C2CD3: variants seen among roughly 807,000 people sequenced by gnomAD.
The protein encoded by C2CD3 is C2 domain-containing protein 3.
Under a neutral mutation model 234.0 loss-of-function variants are expected in C2CD3, and 148 were observed. The ratio of observed to expected loss-of-function variants is 0.63; its 90% CI spans 0.55 to 0.72. The LOEUF is 0.72. C2CD3 is among the 30% of genes least tolerant of loss of function. The probability of loss-of-function intolerance (pLI) is 0.00; values close to 1 mark genes in which losing one functional copy is unlikely to be tolerated. For synonymous variants in C2CD3, 1,000 were observed against 1,035.4 expected, an observed-to-expected ratio of 0.97 and a Z score of 0.66; for missense variants, 2,577 against 2,811.5, an observed-to-expected ratio of 0.92 and a Z score of 1.89.
chr11:74,018,384 C>T (rs954291157), intron 32 of C2CD3, among the ~76,000 whole-genome samples: 2 of 152,126 alleles, frequency 1.3e-5, no homozygotes, highest in African/African-American at 4.8e-5. Flanking sequence ...GCAAGTTCTC[C>T]CCGCCCCACT....
intron 20 of C2CD3, among the ~76,000 whole-genome samples, chr11:74,086,658 A>G (rs1955653865): frequency 6.6e-6 from 1 of 152,196 alleles, no homozygotes; most frequent in African/African-American, 2.4e-5. Flanking sequence ...GGCTGCTTTT[A>G]TCTTTCTCAG....
At chr11:74,094,097 T>C in intron 17 of C2CD3, 98 bp from the exon 18 acceptor site, 1 of 972,412 alleles carries the variant, frequency 1.0e-6, no homozygotes. Context: ...AGTAATTCCC[T>C]AGTAGTTATG....
rs1253508482 is a variant in C2CD3, at chr11:74,138,648, T to A, written c.955+72A>T. On this transcript the variant is annotated intron_variant, in intron 5 of 32. Coordinates refer to ENST00000334126, the MANE Select transcript of C2CD3 (RefSeq NM_001286577.2). ...CAAACAAGAGTCTTGGTTCTCTTTG[T>A]AGGCTGGCTAACAAGCAGAGCAATC... 4 of 1,226,504 alleles carry A rather than the reference T, an allele frequency of 3.3e-6. No homozygotes were observed. In the African/African-American group the frequency reaches 6.0e-5, roughly 18 times the overall value. 76.0% of individuals were successfully genotyped at this position (1,226,504 alleles called of 1,614,324 possible). A position where few individuals can be genotyped will look rare whatever the true frequency, so the allele number is the denominator to read the frequency against.
At position 74,138,752 on chromosome 11, in the gene C2CD3, G is replaced by A; in HGVS notation, c.923C>T (p.Ser308Leu). 1 of 1,612,788 alleles carries A rather than the reference G, an allele frequency of 6.2e-7. No homozygotes were observed. Among genetic ancestry groups the A allele is most frequent in the Non-Finnish European group, 8.5e-7 (1 of 1,178,784 alleles). Residue 308 changes from serine (S) to leucine (L), a missense_variant, in exon 5 of 33, where the codon TCA becomes TTA. Ser to Leu is a moderately radical substitution (Grantham distance 145, BLOSUM62 -2). Transcript: ENST00000334126. The stretch of plus-strand genomic sequence containing the variant: ...AAGATCCTTGGTAGGGAGGTTGTTT[G>A]AAGAAAGAATGCATGAGTCACTGTG... Reference protein sequence around the residue: ...KSHSDSCILSSNNLPTKDLLS... With the variant: ...KSHSDSCILSLNNLPTKDLLS...
At chr11:74,134,985 A>C (rs1007597814) in intron 5 of C2CD3, among the ~76,000 whole-genome samples, 3 of 152,164 alleles carry the variant, frequency 2.0e-5, no homozygotes, top group African/African-American at 7.2e-5. Flanking sequence ...CCGGCCTCCC[A>C]AAGTCCATAA....
intron 8 of C2CD3, among the ~76,000 whole-genome samples, chr11:74,118,905 ATT>A (rs1228553220): frequency 1.6e-4 from 21 of 127,888 alleles, no homozygotes; most frequent in African/African-American, 1.2e-4. Context: ...TGGATAGACT[ATT>A]TTTTTTTTTT....
intron 23 of C2CD3, among the ~76,000 whole-genome samples, chr11:74,075,821 T>C (rs1177616864): frequency 6.6e-6 from 1 of 152,126 alleles, no homozygotes; most frequent in Admixed American, 6.5e-5. Flanking sequence ...GGAAAATGAA[T>C]AAAACATGGA....
intron 7 of C2CD3, chr11:74,129,086 C>T (rs369291129): frequency 3.4e-5 from 6 of 174,042 alleles, no homozygotes; most frequent in East Asian, 3.5e-4. Flanking sequence ...GGGTGGTGGC[C>T]GGGCAGAGGG....
At position 74,013,156 on chromosome 11, in the gene C2CD3, T is replaced by C. The variant is rs1426191306; in HGVS notation, c.*229A>G. On this transcript the variant is annotated 3_prime_UTR_variant, in exon 33 of 33. Transcript: ENST00000334126. ...TTCCATTTTATTTCTAGCCTTTGCCTCACCACAGAAAAAAGGAGCTGAAAT... is the reference window on the plus strand; with the variant it reads ...TTCCATTTTATTTCTAGCCTTTGCCCCACCACAGAAAAAAGGAGCTGAAAT... The C allele has an allele frequency of 1.2e-5, 4 of 320,566 alleles. No individual in the cohort carries two copies. The highest frequency in any genetic ancestry group is 9.9e-5 in the Admixed American group (2 of 20,124). 19.9% of individuals were successfully genotyped at this position (320,566 alleles called of 1,614,324 possible). A position where few individuals can be genotyped will look rare whatever the true frequency, so the allele number is the denominator to read the frequency against.
chr11:74,147,448 A>G (rs1377522212), intron 3 of C2CD3, among the ~76,000 whole-genome samples: 2 of 152,172 alleles, frequency 1.3e-5, no homozygotes, highest in African/African-American at 2.4e-5. Context: ...CAACAACGAC[A>G]ACACCCCTGA....
chr11:74,150,527 C>CAA (rs1265839513), intron 3 of C2CD3, among the ~76,000 whole-genome samples: 1 of 54,880 alleles, frequency 1.8e-5, no homozygotes, highest in African/African-American at 7.9e-5. Context: ...AAAAAAAAAA[C>CAA]AAAACAAATT....
At chr11:74,074,739 C>T in intron 23 of C2CD3, 139 bp from the exon 24 acceptor site, 1 of 658,860 alleles carries the variant, frequency 1.5e-6, no homozygotes, top group Non-Finnish European at 2.6e-6. Context: ...GCAAAAGAAA[C>T]TATGAAGCTG....
chr11:74,065,665 C>A (rs1177279682), intron 24 of C2CD3, among the ~76,000 whole-genome samples: 4 of 152,054 alleles, frequency 2.6e-5, no homozygotes, highest in African/African-American at 7.2e-5. Flanking sequence ...AACCAACCCA[C>A]ATGTCCATCA....
Position 74,057,479 on chromosome 11 carries a change from C to T in C2CD3, c.5017G>A (p.Glu1673Lys). Residue 1673 changes from glutamate (E) to lysine (K), a missense_variant, in exon 25 of 33, where the codon GAG (glutamate) becomes AAG (lysine). Coordinates refer to ENST00000334126, the MANE Select transcript of C2CD3 (RefSeq NM_001286577.2). ...SCCVSFATADESSPVYTQVVE... is the reference protein window; with the variant it reads ...SCCVSFATADKSSPVYTQVVE... The stretch of plus-strand genomic sequence containing the variant: ...ACTTGGGTGTATACAGGAGATGACT[C>T]ATCGGCTGTTGCAAAGGATACACAA... 6.2e-7 allele frequency: 1 copy of T among 1,614,102 alleles called. No homozygotes were observed. The highest frequency in any genetic ancestry group is 8.5e-7 in the Non-Finnish European group (1 of 1,179,950).
At position 74,109,127 on chromosome 11, in the gene C2CD3, C is replaced by A; in HGVS notation, c.1869G>T (p.Val623=). The part of the protein sequence containing the change: ...DGKVKFQQRF[V]FPVQFGGPMI... Reference sequence around the variant, plus strand: ...TTGGGCCACCAAACTGTACTGGAAACACAAATCGCTGCTGGAACTTCACCT... The same window carrying A: ...TTGGGCCACCAAACTGTACTGGAAAAACAAATCGCTGCTGGAACTTCACCT... Residue 623 remains valine (V), a synonymous_variant, in exon 12 of 33, where the codon GTG becomes GTT. Transcript: ENST00000334126. 6.3e-7 allele frequency: 1 copy of A among 1,586,762 alleles called. No individual in the cohort carries two copies. Among genetic ancestry groups the A allele is most frequent in the Non-Finnish European group, 8.6e-7 (1 of 1,168,548 alleles).
intron 26 of C2CD3, among the ~76,000 whole-genome samples, chr11:74,050,733 T>C (rs1203217969): frequency 6.8e-6 from 1 of 147,052 alleles, no homozygotes; most frequent in Non-Finnish European, 1.5e-5. Flanking sequence ...TGCTGTCCTT[T>C]AGACTGGAAC....
At chr11:74,104,445 A>G (rs1956433995) in intron 13 of C2CD3, among the ~76,000 whole-genome samples, 1 of 152,150 alleles carries the variant, frequency 6.6e-6, no homozygotes, top group African/African-American at 2.4e-5. Context: ...AAACTAAAGA[A>G]TTTAGGGGGA....
At chr11:74,029,602 AC>A (rs1316397671) in intron 31 of C2CD3, among the ~76,000 whole-genome samples, 1 of 152,158 alleles carries the variant, frequency 6.6e-6, no homozygotes, top group Non-Finnish European at 1.5e-5. Flanking sequence ...ACTGCTGGGG[AC>A]TGCCAGACAG....
chr11:74,153,666 TTTTTTATGGAAA>T (rs1333801516), intron 3 of C2CD3, among the ~76,000 whole-genome samples: 10 of 152,282 alleles, frequency 6.6e-5, no homozygotes, highest in African/African-American at 2.4e-4. Flanking sequence ...CCAGCAGATA[TTTTTTATGGAAA>T]TCAACAAGCT....
Sources: gnomAD v4.1 joint callset for allele counts (sites outside exome capture counted in the v4.1 genomes callset) on GRCh38, gnomAD v4.1.1 for gene constraint, MANE v1.5 for transcripts, NCBI Gene and HGNC (gene_info 2026-07-23, HGNC 2026-07-21) for gene names.